The following SLC25A12 variants were observed in gnomAD, a reference collection of about 807,000 sequenced individuals.
The protein encoded by SLC25A12 is electrogenic aspartate/glutamate antiporter SLC25A12, mitochondrial.
A neutral mutation model predicts 83.3 loss-of-function variants in SLC25A12; 32 were observed. That is an observed-to-expected ratio of 0.38 (90% CI 0.29 to 0.52). The LOEUF is 0.52. Ranked by LOEUF, SLC25A12 falls within the 20% of genes least tolerant of loss-of-function variation. The pLI is 0.84. For synonymous variants in SLC25A12, 267 were observed against 291.1 expected (o/e 0.92, Z 0.84); for missense variants, 611 against 835.6 (o/e 0.73, Z 3.31).
chr2:171,813,284 C>G, intron 11 of SLC25A12, 55 bp downstream of exon 11: 1 of 1,595,278 alleles, frequency 6.3e-7, no homozygotes, highest in South Asian at 1.1e-5. Context: ...GAGTTAAAAT[C>G]TGCTGCTGGT....
At chr2:171,828,558 C>T (rs1684361327) in intron 8 of SLC25A12, among the ~76,000 whole-genome samples, 1 of 152,174 alleles carries the variant, frequency 6.6e-6, no homozygotes, top group Non-Finnish European at 1.5e-5. Flanking sequence ...GAATGGCCTG[C>T]CCTTACACAG....
chr2:171,866,338 A>G (rs1685300295), intron 3 of SLC25A12, among the ~76,000 whole-genome samples: 5 of 136,468 alleles, frequency 3.7e-5, no homozygotes, highest in South Asian at 2.6e-4. Context: ...GTTCTCAATG[A>G]GCTGTTGGGT....
In SLC25A12 at chr2:171,783,798, T is replaced by C. The variant is rs1690437817; in HGVS notation, c.*1476A>G. 6.6e-6 allele frequency among the ~76,000 whole-genome samples: 1 copy of C among 152,224 alleles called. No homozygotes were observed. The highest frequency in any genetic ancestry group is 6.5e-5 in the Admixed American group (1 of 15,292). ...CAATCTAATACATTTGAAAATAACTTGCTTTCAAAGCTAATTCTTTTGTTC... is the reference window on the plus strand; with the variant it reads ...CAATCTAATACATTTGAAAATAACTCGCTTTCAAAGCTAATTCTTTTGTTC... On this transcript the variant is annotated 3_prime_UTR_variant, in exon 18 of 18. Coordinates refer to ENST00000422440, the MANE Select transcript of SLC25A12 (RefSeq NM_003705.5).
chr2:171,808,858 C>G (rs1683891361), intron 13 of SLC25A12, among the ~76,000 whole-genome samples: 1 of 151,978 alleles, frequency 6.6e-6, no homozygotes, highest in Non-Finnish European at 1.5e-5. Flanking sequence ...ACCCCCAACC[C>G]CCAACCCCAT....
At chr2:171,849,165 G>A (rs926487205) in intron 4 of SLC25A12, among the ~76,000 whole-genome samples, 1 of 152,118 alleles carries the variant, frequency 6.6e-6, no homozygotes, top group Non-Finnish European at 1.5e-5. Context: ...ACTCCACCCT[G>A]GGCGACACAG....
intron 4 of SLC25A12, 90 bp from the exon 5 acceptor site, chr2:171,844,598 G>T: frequency 1.1e-6 from 1 of 930,468 alleles, no homozygotes; most frequent in Non-Finnish European, 1.7e-6. Flanking sequence ...ATTAAGAGAA[G>T]TTTTAAAAGT....
intron 13 of SLC25A12, among the ~76,000 whole-genome samples, chr2:171,795,707 T>C (rs981182048): frequency 6.6e-6 from 1 of 152,182 alleles, no homozygotes; most frequent in African/African-American, 2.4e-5. Flanking sequence ...TACTAAGGTC[T>C]TTCATGTTTG....
At chr2:171,800,274 A>G (rs1683683721) in intron 13 of SLC25A12, among the ~76,000 whole-genome samples, 1 of 152,118 alleles carries the variant, frequency 6.6e-6, no homozygotes, top group Non-Finnish European at 1.5e-5. Context: ...ACAATTAGTA[A>G]AAAATATGAA....
At chr2:171,839,259 GAGTT>G (rs1684621158) in intron 5 of SLC25A12, among the ~76,000 whole-genome samples, 1 of 152,158 alleles carries the variant, frequency 6.6e-6, no homozygotes, top group Non-Finnish European at 1.5e-5. Flanking sequence ...ACAGGGAAAA[GAGTT>G]AGAACAAACA....
intron 11 of SLC25A12, among the ~76,000 whole-genome samples, chr2:171,812,346 G>C (rs2105861753): frequency 6.6e-6 from 1 of 152,174 alleles, no homozygotes; most frequent in African/African-American, 2.4e-5. Context: ...TTCGGGCCCA[G>C]TCTTTCTTAG....
intron 4 of SLC25A12, among the ~76,000 whole-genome samples, chr2:171,851,234 C>T (rs534625087): frequency 4.0e-5 from 6 of 151,336 alleles, no homozygotes. Context: ...CACTCTTTCA[C>T]CCAGGCTGGA....
chr2:171,825,548 T>G (rs149391981), intron 9 of SLC25A12, among the ~76,000 whole-genome samples: 52 of 152,330 alleles, frequency 3.4e-4, no homozygotes, highest in African/African-American at 1.1e-3. Context: ...CCTCTTTCTA[T>G]AGCATGCACA....
intron 5 of SLC25A12, among the ~76,000 whole-genome samples, chr2:171,843,987 A>C (rs911825388): frequency 1.3e-5 from 2 of 152,040 alleles, no homozygotes; most frequent in African/African-American, 2.4e-5. Context: ...GGGTTTCACC[A>C]TGTTAGCCAG....
At position 171,813,346 on chromosome 2, in the gene SLC25A12, G is replaced by A. The variant is rs759356577; in HGVS notation, c.1164C>T (p.Leu388=). The stretch of plus-strand genomic sequence containing the variant: ...TGGGATTTGCTTACTCACCCCTGTA[G>A]AGTCCAAAGAAGCCCTCATAACGCA... ...KVLRYEGFFG[L]YRGLIPQLIG... The change falls in exon 11 of 18, where the codon CTC becomes CTT. Residue 388 remains leucine (L), a synonymous_variant. Transcript: ENST00000422440. 6.2e-7 allele frequency: 1 copy of A among 1,613,992 alleles called. No homozygotes were observed. The highest frequency in any genetic ancestry group is 1.1e-5 in the South Asian group (1 of 91,082).
At chr2:171,875,685 G>A (rs113835587) in intron 2 of SLC25A12, among the ~76,000 whole-genome samples, 2,353 of 152,004 alleles carry the variant, frequency 0.015, 35 homozygotes, top group Non-Finnish European at 0.026. Flanking sequence ...AGGCGGAGAC[G>A]GGTGGATCAC....
At chr2:171,816,108 T>C (rs1232945777) in intron 9 of SLC25A12, among the ~76,000 whole-genome samples, 4 of 147,150 alleles carry the variant, frequency 2.7e-5, no homozygotes, top group African/African-American at 1.0e-4. Context: ...CTCTGATGCC[T>C]AGGCTGGAAT....
chr2:171,790,221 C>A (rs1683417460), intron 15 of SLC25A12, among the ~76,000 whole-genome samples: 1 of 152,220 alleles, frequency 6.6e-6, no homozygotes, highest in Admixed American at 6.5e-5. Context: ...TTAGCCAGAG[C>A]CTCCAGAGGA....
At chr2:171,839,973 A>G (rs1684637839) in intron 5 of SLC25A12, among the ~76,000 whole-genome samples, 1 of 152,212 alleles carries the variant, frequency 6.6e-6, no homozygotes, top group African/African-American at 2.4e-5. Context: ...GGAGTTTAAC[A>G]GAGGATCTCT....
intron 13 of SLC25A12, among the ~76,000 whole-genome samples, chr2:171,799,160 A>C (rs1009034975): frequency 1.3e-5 from 2 of 152,160 alleles, no homozygotes; most frequent in Admixed American, 1.3e-4. Context: ...CTTGATCTTG[A>C]ACTTCCAGCC....
Sources: allele counts gnomAD v4.1 joint callset (sites outside exome capture counted in the v4.1 genomes callset), GRCh38; gene constraint gnomAD v4.1.1; transcripts MANE v1.5; gene names NCBI Gene and HGNC (gene_info 2026-07-23, HGNC 2026-07-21).